Variants in OXCT1 observed in about 807,000 individuals in gnomAD.
OXCT1 encodes 3-oxoacid CoA-transferase 1.
Under a neutral mutation model 69.6 loss-of-function variants are expected in OXCT1, and 27 were observed. The ratio of observed to expected loss-of-function variants is 0.39; its 90% CI spans 0.29 to 0.54. The LOEUF is 0.54. Ranked by LOEUF, OXCT1 falls within the 20% of genes least tolerant of loss-of-function variation. The pLI, the probability that OXCT1 is intolerant of heterozygous loss-of-function variation, is 0.72. For missense variants in OXCT1, 437 were observed against 650.2 expected (o/e 0.67, Z 3.57); for synonymous variants, 202 against 217.8 (o/e 0.93, Z 0.64).
At position 41,794,217 on chromosome 5, in the gene OXCT1, C is replaced by A. The variant is rs145673650; in HGVS notation, c.1173-139G>T. Reference sequence around the variant, plus strand: ...CCACACAACTGATTTCCTAATAGATCAGCTCCATGCTGACAGAGAAATAAT... The same window carrying A: ...CCACACAACTGATTTCCTAATAGATAAGCTCCATGCTGACAGAGAAATAAT... On this transcript the variant is annotated intron_variant, in intron 12 of 16. Transcript: ENST00000196371. 820 of 705,032 alleles carry A rather than the reference C, an allele frequency of 1.2e-3. 1 individual carries two copies. Among genetic ancestry groups the A allele is most frequent in the Non-Finnish European group, 1.6e-3 (614 of 388,960 alleles). The allele number at this position is 705,032 out of a possible 1,614,324, so 43.7% of individuals were successfully genotyped here.
At chr5:41,824,234 C>T (rs1240378697) in intron 7 of OXCT1, among the ~76,000 whole-genome samples, 1 of 152,184 alleles carries the variant, frequency 6.6e-6, no homozygotes, top group Non-Finnish European at 1.5e-5. Context: ...ACAATAAAAC[C>T]TACCTCACTG....
At chr5:41,834,004 G>A (rs561089749) in intron 7 of OXCT1, among the ~76,000 whole-genome samples, 16 of 148,390 alleles carry the variant, frequency 1.1e-4, no homozygotes, top group African/African-American at 7.4e-5. Flanking sequence ...GCAAAATTCC[G>A]TCTCAAAAAA....
chr5:41,779,300 A>G (rs970623069), intron 13 of OXCT1, among the ~76,000 whole-genome samples: 4 of 152,224 alleles, frequency 2.6e-5, no homozygotes, highest in African/African-American at 9.6e-5. Context: ...GAGATCATAT[A>G]TGCACTGTCT....
intron 16 of OXCT1, 104 bp from the exon 17 acceptor site, chr5:41,731,874 G>GC: frequency 7.6e-7 from 1 of 1,312,834 alleles, no homozygotes; most frequent in Non-Finnish European, 1.1e-6. Context: ...AAGCAGCCTT[G>GC]CCATGGACAT....
At chr5:41,825,750 C>T (rs1239111155) in intron 7 of OXCT1, among the ~76,000 whole-genome samples, 1 of 152,156 alleles carries the variant, frequency 6.6e-6, no homozygotes, top group African/African-American at 2.4e-5. Context: ...ACCCACTCCT[C>T]CTCCAATTTA....
intron 12 of OXCT1, 100 bp from the exon 13 acceptor site, chr5:41,794,178 A>G: frequency 1.2e-6 from 1 of 826,304 alleles, no homozygotes; most frequent in African/African-American, 1.7e-5. Context: ...ACCAAAATAT[A>G]CTTGCTTCCC....
At chr5:41,840,653 A>G (rs1393833497) in intron 6 of OXCT1, 142 bp from the exon 7 acceptor site, 5 of 588,748 alleles carry the variant, frequency 8.5e-6, no homozygotes, top group African/African-American at 7.5e-5. Context: ...CATATTTTCC[A>G]TTAATAAAGT....
At chr5:41,816,543 T>C (rs1304129813) in intron 7 of OXCT1, among the ~76,000 whole-genome samples, 3 of 152,194 alleles carry the variant, frequency 2.0e-5, no homozygotes, top group African/African-American at 4.8e-5. Context: ...AAGGCAAGTC[T>C]TAATTCTGGT....
At chr5:41,850,230 T>C (rs780653479) in intron 4 of OXCT1, 51 bp from the exon 5 acceptor site, 2 of 1,604,252 alleles carry the variant, frequency 1.2e-6, no homozygotes, top group East Asian at 2.2e-5. Flanking sequence ...CACTTCTCTA[T>C]GTGGACACAA....
intron 7 of OXCT1, among the ~76,000 whole-genome samples, chr5:41,828,257 G>A (rs906512930): frequency 4.6e-5 from 7 of 151,506 alleles, no homozygotes; most frequent in Non-Finnish European, 7.4e-5. Context: ...ACAGGCGCTT[G>A]CCACCATGCC....
At chr5:41,846,960 C>T (rs1384133849) in intron 5 of OXCT1, among the ~76,000 whole-genome samples, 1 of 152,092 alleles carries the variant, frequency 6.6e-6, no homozygotes, top group Non-Finnish European at 1.5e-5. Context: ...GTCCTTCGCC[C>T]ACTTTTTGAT....
chr5:41,800,991 A>C (rs571115357), intron 11 of OXCT1, 31 bp downstream of exon 11: 2 of 1,592,888 alleles, frequency 1.3e-6, no homozygotes, highest in East Asian at 4.5e-5. Context: ...AATTAATAGC[A>C]AAGGGAAGGG....
chr5:41,733,650 G>A (rs1272517668), intron 16 of OXCT1, among the ~76,000 whole-genome samples: 1 of 152,114 alleles, frequency 6.6e-6, no homozygotes, highest in Non-Finnish European at 1.5e-5. Context: ...CTAAACATCT[G>A]ATCCTTTTCC....
At chr5:41,735,008 G>T (rs567270682) in intron 16 of OXCT1, among the ~76,000 whole-genome samples, 29 of 152,232 alleles carry the variant, frequency 1.9e-4, no homozygotes, top group African/African-American at 6.7e-4. Flanking sequence ...AATGTAAAAC[G>T]GGGCAAACAT....
chr5:41,864,257 G>C (rs1381804354), intron 1 of OXCT1, among the ~76,000 whole-genome samples: 1 of 152,104 alleles, frequency 6.6e-6, no homozygotes, highest in East Asian at 1.9e-4. Context: ...TCTGAATCCT[G>C]ATATACTGCT....
intron 15 of OXCT1, among the ~76,000 whole-genome samples, chr5:41,745,231 C>T (rs1743409693): frequency 6.6e-6 from 1 of 151,758 alleles, no homozygotes; most frequent in African/African-American, 2.4e-5. Flanking sequence ...CAAACTAGAA[C>T]TCAGGATTAA....
chr5:41,837,502 G>A (rs1748425458), intron 7 of OXCT1, among the ~76,000 whole-genome samples: 1 of 151,654 alleles, frequency 6.6e-6, no homozygotes, highest in Non-Finnish European at 1.5e-5. Context: ...GAATGCACGG[G>A]GCCACTGAAC....
intron 10 of OXCT1, among the ~76,000 whole-genome samples, chr5:41,801,689 G>A (rs1275646843): frequency 6.6e-6 from 1 of 152,016 alleles, no homozygotes; most frequent in African/African-American, 2.4e-5. Flanking sequence ...TAAAATGTAG[G>A]CCTGAATTTG....
At chr5:41,753,426 C>G (rs1239711756) in intron 14 of OXCT1, among the ~76,000 whole-genome samples, 2 of 152,126 alleles carry the variant, frequency 1.3e-5, no homozygotes, top group Non-Finnish European at 2.9e-5. Flanking sequence ...TGGGATTTGC[C>G]TGCTCCTAAA....
Sources: allele counts gnomAD v4.1 joint callset (sites outside exome capture counted in the v4.1 genomes callset), GRCh38; gene constraint gnomAD v4.1.1; transcripts MANE v1.5; gene names NCBI Gene and HGNC (gene_info 2026-07-23, HGNC 2026-07-21).